The following EPHA3 variants were observed in gnomAD, a reference collection of about 807,000 sequenced individuals.
EPHA3 encodes the protein ephrin type-A receptor 3.
In EPHA3, 42 loss-of-function variants were observed where a neutral mutation model predicts 107.1. The observed-to-expected ratio is 0.39, with a 90% confidence interval of 0.31 to 0.51. The LOEUF (loss-of-function observed/expected upper bound fraction) is 0.51, where lower values mean the gene tolerates loss of function less well. EPHA3 is among the 20% of genes least tolerant of loss of function. The pLI is 0.78. For missense variants in EPHA3, 1,183 were observed against 1,211.2 expected, an observed-to-expected ratio of 0.98 and a Z score of 0.35; for synonymous variants, 461 against 424.8, an observed-to-expected ratio of 1.09 and a Z score of -1.05.
intron 3 of EPHA3, among the ~76,000 whole-genome samples, chr3:89,310,387 T>A (rs1220490885): frequency 1.3e-5 from 2 of 152,092 alleles, no homozygotes; most frequent in African/African-American, 4.8e-5. Context: ...TAATTTTTTT[T>A]AAAGTTAGTA....
At chr3:89,346,036 G>A (rs1251508935) in intron 5 of EPHA3, among the ~76,000 whole-genome samples, 1 of 140,318 alleles carries the variant, frequency 7.1e-6, no homozygotes, top group African/African-American at 2.7e-5. Context: ...ATTTGGGTTG[G>A]TTCCAAGTCT....
intron 3 of EPHA3, among the ~76,000 whole-genome samples, chr3:89,216,669 C>T (rs146202679): frequency 0.013 from 2,007 of 152,108 alleles, 34 homozygotes; most frequent in African/African-American, 0.044. Context: ...TTAAAGCATA[C>T]ATGTTATATA....
intron 3 of EPHA3, among the ~76,000 whole-genome samples, chr3:89,320,445 G>A (rs1274871433): frequency 6.6e-6 from 1 of 151,992 alleles, no homozygotes; most frequent in Non-Finnish European, 1.5e-5. Context: ...GGTGACTACA[G>A]GGATATTATC....
intron 2 of EPHA3, among the ~76,000 whole-genome samples, chr3:89,130,248 T>C (rs754891019): frequency 6.6e-6 from 1 of 152,186 alleles, no homozygotes; most frequent in African/African-American, 2.4e-5. Flanking sequence ...AGTGGCTAAA[T>C]TGAGAAACTC....
intron 2 of EPHA3, 46 bp from the exon 3 acceptor site, chr3:89,209,814 T>C (rs1311794736): frequency 2.0e-6 from 3 of 1,482,918 alleles, no homozygotes; most frequent in Non-Finnish European, 2.7e-6. Flanking sequence ...GTATTCGTTA[T>C]TATCATTAAT....
At chr3:89,133,101 C>T (rs889468538) in intron 2 of EPHA3, among the ~76,000 whole-genome samples, 7 of 152,122 alleles carry the variant, frequency 4.6e-5, no homozygotes, top group African/African-American at 1.4e-4. Context: ...GAGGTTCTCC[C>T]ATTTTAATTC....
At chr3:89,258,748 T>A (rs555474361) in intron 3 of EPHA3, among the ~76,000 whole-genome samples, 1 of 152,088 alleles carries the variant, frequency 6.6e-6, no homozygotes, top group Non-Finnish European at 1.5e-5. Flanking sequence ...TTCCAAAGGA[T>A]CCCCACCTCA....
intron 3 of EPHA3, among the ~76,000 whole-genome samples, chr3:89,320,784 A>G (rs1029593454): frequency 1.3e-5 from 2 of 152,056 alleles, no homozygotes; most frequent in Non-Finnish European, 2.9e-5. Flanking sequence ...TGTTACTGAA[A>G]TATTCAAAAT....
At chr3:89,298,114 G>C (rs1295232803) in intron 3 of EPHA3, among the ~76,000 whole-genome samples, 1 of 152,072 alleles carries the variant, frequency 6.6e-6, no homozygotes, top group African/African-American at 2.4e-5. Context: ...TGGCTGGTGG[G>C]AACAAGCATT....
At chr3:89,132,507 C>T (rs1235924080) in intron 2 of EPHA3, among the ~76,000 whole-genome samples, 2 of 152,106 alleles carry the variant, frequency 1.3e-5, no homozygotes, top group Non-Finnish European at 2.9e-5. Context: ...AGGTTAAGAA[C>T]ATTGGTTAGA....
chr3:89,345,795 TG>T (rs1357976294), intron 5 of EPHA3, among the ~76,000 whole-genome samples: 3 of 104,306 alleles, frequency 2.9e-5, no homozygotes, highest in Non-Finnish European at 5.5e-5. Context: ...GTCCCCAGAG[TG>T]TGATATTCCC....
Position 89,163,111 on chromosome 3 carries a change from G to C in EPHA3, c.153+35838G>C, listed in dbSNP as rs555511057. On this transcript the variant is annotated intron_variant, in intron 2 of 16. Transcript: ENST00000336596. Reference sequence around the variant, plus strand: ...AATTACAGGAGTGATTATAGCTTTAGGATCATTCACACCTAAACTTGAACC... The same window carrying C: ...AATTACAGGAGTGATTATAGCTTTACGATCATTCACACCTAAACTTGAACC... Among the ~76,000 whole-genome samples the C allele has an allele frequency of 1.4e-3, 208 of 152,212 alleles. 2 individuals are homozygous for C. The highest frequency in any genetic ancestry group is 4.7e-3 in the African/African-American group (195 of 41,526).
At chr3:89,230,813 C>G (rs1322283165) in intron 3 of EPHA3, among the ~76,000 whole-genome samples, 1 of 145,384 alleles carries the variant, frequency 6.9e-6, no homozygotes, top group East Asian at 1.9e-4. Context: ...CTCCCTCTCT[C>G]TCTCTCTCTC....
At chr3:89,294,828 T>C (rs1378880000) in intron 3 of EPHA3, among the ~76,000 whole-genome samples, 4 of 152,168 alleles carry the variant, frequency 2.6e-5, no homozygotes, top group African/African-American at 9.6e-5. Flanking sequence ...CTATTATGAG[T>C]TGTATTTCCT....
intron 3 of EPHA3, among the ~76,000 whole-genome samples, chr3:89,245,768 T>C (rs1705017492): frequency 6.6e-6 from 1 of 152,244 alleles, no homozygotes; most frequent in African/African-American, 2.4e-5. Context: ...TCTACTGTTA[T>C]CAGAGTGCTA....
At chr3:89,246,670 T>C (rs1295290868) in intron 3 of EPHA3, among the ~76,000 whole-genome samples, 2 of 152,230 alleles carry the variant, frequency 1.3e-5, no homozygotes, top group African/African-American at 4.8e-5. Context: ...CTTTATATGA[T>C]ACAGTGGACA....
At chr3:89,315,617 T>TA (rs199911525) in intron 3 of EPHA3, among the ~76,000 whole-genome samples, 3,002 of 127,370 alleles carry the variant, frequency 0.024, 57 homozygotes, top group East Asian at 0.1. Flanking sequence ...TCCTTTTTAA[T>TA]AAAAAAAAAA....
intron 3 of EPHA3, among the ~76,000 whole-genome samples, chr3:89,267,461 T>G (rs2107291658): frequency 6.6e-6 from 1 of 152,234 alleles, no homozygotes; most frequent in South Asian, 2.1e-4. Context: ...AATCCTATTC[T>G]TATTAAAAAA....
intron 3 of EPHA3, among the ~76,000 whole-genome samples, chr3:89,259,320 G>A (rs1705361896): frequency 6.6e-6 from 1 of 151,918 alleles, no homozygotes; most frequent in Non-Finnish European, 1.5e-5. Context: ...TCACATCACA[G>A]TCTTTTTAGC....
Sources: allele counts gnomAD v4.1 joint callset (sites outside exome capture counted in the v4.1 genomes callset), GRCh38; gene constraint gnomAD v4.1.1; transcripts MANE v1.5; gene names NCBI Gene and HGNC (gene_info 2026-07-23, HGNC 2026-07-21).